The following KCNQ1 variants were observed in gnomAD, a reference collection of about 807,000 sequenced individuals.
KCNQ1 encodes the protein potassium voltage-gated channel subfamily Q member 1, also known as potassium voltage-gated channel subfamily KQT member 1.
A neutral mutation model predicts 72.4 loss-of-function variants in KCNQ1; 49 were observed. The observed-to-expected ratio is 0.68, with a 90% CI of 0.54 to 0.86. The LOEUF is 0.86. KCNQ1 is among the 40% of genes least tolerant of loss of function. The pLI is 0.00. For synonymous variants in KCNQ1, 450 were observed against 412.6 expected (o/e 1.09, Z -1.10); for missense variants, 790 against 945.1 (o/e 0.84, Z 2.15).
At position 2,538,574 on chromosome 11, in the gene KCNQ1, G is replaced by A. The variant is rs373358438; in HGVS notation, c.477+10556G>A. ...ATTCTTTCATGCGAAATCTGCTTGC[G>A]GGAGAGTCGTGAAAGTGGGAATCCT... On this transcript the variant is annotated intron_variant, in intron 2 of 15. Coordinates refer to ENST00000155840, the MANE Select transcript of KCNQ1 (RefSeq NM_000218.3). This position sits in a 1 kb window ranked among gnomAD's most constrained non-coding sequence, Gnocchi z 6.7. Among the ~76,000 whole-genome samples, 13 of 152,238 alleles carry A rather than the reference G, an allele frequency of 8.5e-5. No homozygotes were observed. The highest frequency in any genetic ancestry group is 3.9e-4 in the East Asian group (2 of 5,154).
intron 10 of KCNQ1, chr11:2,625,925 G>T (rs1849254560): frequency 5.0e-6 from 2 of 398,406 alleles, no homozygotes; most frequent in Non-Finnish European, 4.4e-6. Context: ...GAAGTTCTCT[G>T]TATAATCTGG....
At position 2,769,255 on chromosome 11, in the gene KCNQ1, T is replaced by C. The variant is rs925004994; in HGVS notation, c.1590+336T>C. Among the ~76,000 whole-genome samples the C allele has an allele frequency of 7.2e-5, 11 of 152,002 alleles. No individual in the cohort carries two copies. Among genetic ancestry groups the C allele is most frequent in the African/African-American group, 2.2e-4 (9 of 41,394 alleles). On this transcript the variant is annotated intron_variant, in intron 12 of 15. Transcript: ENST00000155840. The surrounding 1 kb of genome is among the most constrained non-coding windows in gnomAD (Gnocchi z 4.6). ...GCAGCATTAGTGAGAGATGTGAGGGTGACATCAGAATGACTCAGAGATGGT... is the reference window on the plus strand; with the variant it reads ...GCAGCATTAGTGAGAGATGTGAGGGCGACATCAGAATGACTCAGAGATGGT...
At chr11:2,646,135 G>C (rs975623106) in intron 10 of KCNQ1, 3 of 398,450 alleles carry the variant, frequency 7.5e-6, no homozygotes, top group African/African-American at 2.1e-5. Flanking sequence ...TTACTTCTCA[G>C]TTGAATTCCA....
At chr11:2,650,711 C>T (rs1849743770) in intron 10 of KCNQ1, 1 of 398,624 alleles carries the variant, frequency 2.5e-6, no homozygotes, top group East Asian at 3.6e-5. Context: ...CAGTGCTGGG[C>T]AGGGGACTAG....
At position 2,549,362 on chromosome 11, in the gene KCNQ1, C is replaced by T. The variant is rs1216917325; in HGVS notation, c.478-21266C>T. Among the ~76,000 whole-genome samples, 1 of 152,082 alleles carries T rather than the reference C, an allele frequency of 6.6e-6. No homozygotes were observed. The highest frequency in any genetic ancestry group is 1.9e-4 in the East Asian group (1 of 5,164). ...AGGCACCTGGGGCGACCCTCCTTGGCCGTCCTTGCCATCCTCGCCATCCTC... is the reference window on the plus strand; with the variant it reads ...AGGCACCTGGGGCGACCCTCCTTGGTCGTCCTTGCCATCCTCGCCATCCTC... On this transcript the variant is annotated intron_variant, in intron 2 of 15. Transcript: ENST00000155840. This position sits in a 1 kb window ranked among gnomAD's most constrained non-coding sequence, Gnocchi z 6.2.
At chr11:2,578,650 G>A (rs1006702220) in intron 6 of KCNQ1, among the ~76,000 whole-genome samples, 1 of 152,270 alleles carries the variant, frequency 6.6e-6, no homozygotes, top group African/African-American at 2.4e-5. Flanking sequence ...GGGAATGGCT[G>A]TGGCCGCATG....
intron 11 of KCNQ1, chr11:2,684,289 A>G: frequency 2.5e-6 from 1 of 398,544 alleles, no homozygotes; most frequent in Non-Finnish European, 4.4e-6. Context: ...AGGCTGGAGC[A>G]TTGCAACTCA....
chr11:2,773,979 A>G (rs748525937), intron 12 of KCNQ1, among the ~76,000 whole-genome samples: 8 of 152,198 alleles, frequency 5.3e-5, no homozygotes, highest in Admixed American at 3.9e-4. Flanking sequence ...ATCAAGGCTC[A>G]GCATCCCATC....
Position 2,671,540 on chromosome 11 carries a change from C to G in KCNQ1, c.1514+9459C>G, listed in dbSNP as rs1163893500. 1 of 398,528 alleles carries G rather than the reference C, an allele frequency of 2.5e-6. No individual in the cohort carries two copies. The highest frequency in any genetic ancestry group is 4.4e-6 in the Non-Finnish European group (1 of 226,090). 24.7% of individuals were successfully genotyped at this position (398,528 alleles called of 1,614,324 possible). A position where few individuals can be genotyped will look rare whatever the true frequency, so the allele number is the denominator to read the frequency against. ...GATTTTTCAAAGGTTAATTTTGACT[C>G]TGCCTGACTTATCTCCTAAGTCTTT... On this transcript the variant is annotated intron_variant, in intron 11 of 15. Transcript: ENST00000155840. The surrounding 1 kb of genome is among the most constrained non-coding windows in gnomAD (Gnocchi z 4.7).
chr11:2,758,033 G>A (rs1846332367), intron 11 of KCNQ1, among the ~76,000 whole-genome samples: 2 of 152,180 alleles, frequency 1.3e-5, no homozygotes, highest in Non-Finnish European at 2.9e-5. Flanking sequence ...GATGCTAAAA[G>A]CATGATCTGT....
In KCNQ1 at chr11:2,830,020, GAGGAGGAAGGAGGAGGGAGGAGGA is replaced by G. The variant is rs1847912883; in HGVS notation, c.1795-17739_1795-17716del. Among the ~76,000 whole-genome samples, 1 of 104,330 alleles carries G rather than the reference GAGGAGGAAGGAGGAGGGAGGAGGA, an allele frequency of 9.6e-6. No individual in the cohort carries two copies. The highest frequency in any genetic ancestry group is 2.3e-5 in the Non-Finnish European group (1 of 43,246). 68.4% of individuals were successfully genotyped at this position (104,330 alleles called of 152,430 possible). ...AGAGGGAGGAGGAAGGAGGAGGAAG[GAGGAGGAAGGAGGAGGGAGGAGGA>G]AGGAGGAGGGAGGAGGGAGGAAGAG... On this transcript the variant is annotated intron_variant, in intron 15 of 15. Coordinates refer to ENST00000155840, the MANE Select transcript of KCNQ1 (RefSeq NM_000218.3). The surrounding 1 kb of genome is among the most constrained non-coding windows in gnomAD (Gnocchi z 7.7).
intron 1 of KCNQ1, among the ~76,000 whole-genome samples, chr11:2,527,714 T>A (rs1273343686): frequency 6.6e-6 from 1 of 152,246 alleles, no homozygotes; most frequent in Non-Finnish European, 1.5e-5. Flanking sequence ...TGGCAGCATG[T>A]GTTGGTGCTT....
chr11:2,751,490 C>T lies in KCNQ1; in HGVS notation c.1515-17354C>T, dbSNP rs139878834. 1.4e-3 allele frequency among the ~76,000 whole-genome samples: 215 copies of T among 152,368 alleles called. 2 individuals are homozygous for T. Among genetic ancestry groups the T allele is most frequent in the African/African-American group, 4.8e-3 (198 of 41,590 alleles). On this transcript the variant is annotated intron_variant, in intron 11 of 15. Coordinates refer to ENST00000155840, the MANE Select transcript of KCNQ1 (RefSeq NM_000218.3). ...CCCTCTCTCCTGACGCGGGGACTTG[C>T]GTCTCAGTGCAGAGGGCAGTGGAGG...
intron 1 of KCNQ1, among the ~76,000 whole-genome samples, chr11:2,522,720 C>CT (rs1847409902): frequency 6.6e-6 from 1 of 152,248 alleles, no homozygotes; most frequent in Non-Finnish European, 1.5e-5. Context: ...CCATGGGCAC[C>CT]TGTCCCCACC....
chr11:2,452,585 G>A (rs940186203), intron 1 of KCNQ1, among the ~76,000 whole-genome samples: 5 of 152,208 alleles, frequency 3.3e-5, no homozygotes, highest in African/African-American at 4.8e-5. Flanking sequence ...GGAACCATGC[G>A]CTTCAAGCGT....
chr11:2,842,195 C>T (rs997703734), intron 15 of KCNQ1, among the ~76,000 whole-genome samples: 15 of 152,068 alleles, frequency 9.9e-5, no homozygotes, highest in East Asian at 1.9e-4. Flanking sequence ...GCGCCAGTCC[C>T]GAGCCTGAGC....
At chr11:2,774,039 AT>A (rs1428012064) in intron 12 of KCNQ1, among the ~76,000 whole-genome samples, 4 of 152,008 alleles carry the variant, frequency 2.6e-5, no homozygotes, top group Admixed American at 2.6e-4. Flanking sequence ...AGAAAAGAGA[AT>A]TAAGACTCAA....
At chr11:2,640,606 A>C in intron 10 of KCNQ1, 1 of 396,332 alleles carries the variant, frequency 2.5e-6, no homozygotes. Context: ...TATGGGGTAC[A>C]TGTGCTATTG....
rs188109792 is a variant in KCNQ1, at chr11:2,613,316, T to A, written c.1393+24462T>A. ...ACTTCCATATCTCCAGAATTCCTTTTAAAATTTTTCTTAATCTGTCGCTTG... is the reference window on the plus strand; with the variant it reads ...ACTTCCATATCTCCAGAATTCCTTTAAAAATTTTTCTTAATCTGTCGCTTG... On this transcript the variant is annotated intron_variant, in intron 10 of 15. Transcript: ENST00000155840. The surrounding 1 kb of genome is among the most constrained non-coding windows in gnomAD (Gnocchi z 4.8). 4.3e-5 allele frequency: 17 copies of A among 398,612 alleles called. No homozygotes were observed. In the East Asian group the frequency reaches 6.1e-4, roughly 14 times the overall value. 24.7% of individuals were successfully genotyped at this position (398,612 alleles called of 1,614,324 possible). A position where few individuals can be genotyped will look rare whatever the true frequency, so the allele number is the denominator to read the frequency against.
Sources: gnomAD v4.1 joint callset for allele counts (sites outside exome capture counted in the v4.1 genomes callset) on GRCh38, gnomAD v4.1.1 for gene constraint, Gnocchi (gnomAD v3.1) non-coding constraint, MANE v1.5 for transcripts, NCBI Gene and HGNC (gene_info 2026-07-23, HGNC 2026-07-21) for gene names.